CNTLN: variants seen among roughly 807,000 people sequenced by gnomAD.
The protein encoded by CNTLN is centlein, centrosomal protein.
CNTLN carries 212 observed loss-of-function variants against 180.0 expected under a neutral mutation model. That is an observed-to-expected ratio of 1.18 (90% CI 1.05 to 1.32). The LOEUF is 1.32. Among genes scored for constraint, CNTLN ranks in the 40% most tolerant of loss-of-function variants. The pLI is 0.00. For synonymous variants in CNTLN, 722 were observed against 563.1 expected, an observed-to-expected ratio of 1.28 and a Z score of -3.99; for missense variants, 2,095 against 1,610.9, an observed-to-expected ratio of 1.30 and a Z score of -5.14.
chr9:17,439,694 A>T (rs1005386012), intron 18 of CNTLN, among the ~76,000 whole-genome samples: 1 of 152,214 alleles, frequency 6.6e-6, no homozygotes, highest in Admixed American at 6.5e-5. Flanking sequence ...TTCCCCCATA[A>T]TTCATAACCC....
In CNTLN at chr9:17,248,832, G is replaced by C. The variant is rs373740330; in HGVS notation, c.849+12244G>C. Among the ~76,000 whole-genome samples, 27 of 151,618 alleles carry C rather than the reference G, an allele frequency of 1.8e-4. No homozygotes were observed. The East Asian group carries it at 2.3e-3, about 13-fold the overall frequency. ...CAAAAAGTCTTCAAACAAAAGCCCA[G>C]AATAAGATGGATTCATTGTAATATA... On this transcript the variant is annotated intron_variant, in intron 5 of 25. Coordinates refer to ENST00000380647, the MANE Select transcript of CNTLN (RefSeq NM_017738.4).
chr9:17,425,408 C>G (rs964381862), intron 18 of CNTLN, among the ~76,000 whole-genome samples: 4 of 152,202 alleles, frequency 2.6e-5, no homozygotes, highest in African/African-American at 9.6e-5. Flanking sequence ...AGGAAGCGAT[C>G]TGCTGCTAGA....
intron 12 of CNTLN, among the ~76,000 whole-genome samples, chr9:17,349,871 G>T (rs1234465295): frequency 6.6e-6 from 1 of 152,136 alleles, no homozygotes; most frequent in Non-Finnish European, 1.5e-5. Context: ...CTAACCAGGG[G>T]CTGAACATAC....
chr9:17,507,645 A>G (rs1833956680), downstream of CNTLN, among the ~76,000 whole-genome samples: 1 of 152,200 alleles, frequency 6.6e-6, no homozygotes, highest in African/African-American at 2.4e-5. Flanking sequence ...TATAATGGAT[A>G]AAAATGACTT....
intron 2 of CNTLN, among the ~76,000 whole-genome samples, chr9:17,159,265 T>C (rs368381142): frequency 8.5e-5 from 13 of 152,228 alleles, no homozygotes; most frequent in African/African-American, 2.7e-4. Context: ...GTGTTGCAAA[T>C]AAAGTCAGTT....
At chr9:17,229,577 T>G (rs1824686049) in intron 3 of CNTLN, among the ~76,000 whole-genome samples, 1 of 152,094 alleles carries the variant, frequency 6.6e-6, no homozygotes, top group African/African-American at 2.4e-5. Flanking sequence ...TTCTTCCTCC[T>G]CTGGGGATCA....
At chr9:17,270,947 C>CTTTTTTTTTT (rs78896738) in intron 5 of CNTLN, among the ~76,000 whole-genome samples, 3 of 122,142 alleles carry the variant, frequency 2.5e-5, no homozygotes, top group Non-Finnish European at 5.0e-5. Context: ...GAGAGGAGTT[C>CTTTTTTTTTT]TTTTTTTTTT....
intron 5 of CNTLN, among the ~76,000 whole-genome samples, chr9:17,249,387 C>T (rs1469485963): frequency 1.5e-5 from 2 of 134,920 alleles, no homozygotes; most frequent in African/African-American, 2.8e-5. Context: ...CTCGCTCTAT[C>T]ACCCAGGCTG....
intron 2 of CNTLN, among the ~76,000 whole-genome samples, chr9:17,164,838 CTT>C (rs565706282): frequency 9.7e-5 from 13 of 134,550 alleles, no homozygotes; most frequent in Admixed American, 1.5e-4. Context: ...TTCTTTCTTT[CTT>C]TTTTTTTTTT....
chr9:17,332,972 G>A (rs765481270), intron 10 of CNTLN, among the ~76,000 whole-genome samples: 1 of 151,906 alleles, frequency 6.6e-6, no homozygotes, highest in Non-Finnish European at 1.5e-5. Flanking sequence ...GTAATATTTT[G>A]TCTTAAAATT....
intron 2 of CNTLN, among the ~76,000 whole-genome samples, chr9:17,149,962 G>T (rs1453129577): frequency 6.6e-6 from 1 of 152,180 alleles, no homozygotes; most frequent in Non-Finnish European, 1.5e-5. Flanking sequence ...CTTGTGAGAA[G>T]TGTCTGTTCA....
chr9:17,295,559 G>A (rs1402090918), intron 6 of CNTLN, among the ~76,000 whole-genome samples: 2 of 152,090 alleles, frequency 1.3e-5, no homozygotes, highest in African/African-American at 4.8e-5. Flanking sequence ...TCAGTTGCCG[G>A]TGCAGGATTC....
At chr9:17,240,128 A>G (rs925761127) in intron 5 of CNTLN, among the ~76,000 whole-genome samples, 10 of 145,540 alleles carry the variant, frequency 6.9e-5, no homozygotes, top group Non-Finnish European at 1.5e-4. Flanking sequence ...TTGGTCTTCA[A>G]TTTTTTCAGT....
intron 18 of CNTLN, among the ~76,000 whole-genome samples, chr9:17,425,131 C>T (rs1038325819): frequency 6.6e-6 from 1 of 152,102 alleles, no homozygotes; most frequent in African/African-American, 2.4e-5. Flanking sequence ...TTGATTATCT[C>T]TCAATGTTTG....
intron 2 of CNTLN, among the ~76,000 whole-genome samples, chr9:17,203,788 A>G (rs1303768861): frequency 6.6e-6 from 1 of 152,088 alleles, no homozygotes. Flanking sequence ...TGATCTCCGG[A>G]CCTCGTGATC....
In CNTLN at chr9:17,463,007, A is replaced by G. The variant is rs1831540368; in HGVS notation, c.3398A>G (p.His1133Arg). The G allele has an allele frequency of 1.9e-6, 3 of 1,567,082 alleles. No homozygotes were observed. Among genetic ancestry groups the G allele is most frequent in the East Asian group, 2.3e-5 (1 of 42,672 alleles). Reference sequence around the variant, plus strand: ...AAAGAAGAACACATAAAGGAAATGCATGAAAAGTATGGTTTTTGTATTTCT... The same window carrying G: ...AAAGAAGAACACATAAAGGAAATGCGTGAAAAGTATGGTTTTTGTATTTCT... ...LAKEEHIKEMHEKISRMERDI... is the reference protein window; with the variant it reads ...LAKEEHIKEMREKISRMERDI... Residue 1133 changes from histidine to arginine, a missense_variant, in exon 20 of 26, where the codon CAT (histidine) becomes CGT (arginine). His to Arg is a conservative substitution (Grantham distance 29). Transcript: ENST00000380647.
chr9:17,190,819 T>C (rs76459294), intron 2 of CNTLN, among the ~76,000 whole-genome samples: 7,553 of 152,130 alleles, frequency 0.05, 174 homozygotes, highest in East Asian at 0.077. Flanking sequence ...AAATTATAAT[T>C]ATAGCAATTA....
intron 2 of CNTLN, among the ~76,000 whole-genome samples, chr9:17,155,241 G>C (rs937717121): frequency 1.3e-5 from 2 of 152,184 alleles, no homozygotes; most frequent in Non-Finnish European, 2.9e-5. Flanking sequence ...TGAAGTCAGC[G>C]AGACCAAGAA....
chr9:17,308,104 A>G (rs966802011), intron 7 of CNTLN, among the ~76,000 whole-genome samples: 7 of 152,026 alleles, frequency 4.6e-5, no homozygotes, highest in African/African-American at 1.4e-4. Flanking sequence ...AGATTGGATT[A>G]TATCTCATTA....
Sources: gnomAD v4.1 joint callset for allele counts (sites outside exome capture counted in the v4.1 genomes callset) on GRCh38, gnomAD v4.1.1 for gene constraint, MANE v1.5 for transcripts, NCBI Gene and HGNC (gene_info 2026-07-23, HGNC 2026-07-21) for gene names.